The following OR2V1 variants were observed in gnomAD, a reference collection of about 807,000 sequenced individuals.
OR2V1 encodes the protein olfactory receptor family 2 subfamily V member 1, also known as olfactory receptor 2V1.
OR2V1 carries 18 observed loss-of-function variants against 15.0 expected under a neutral mutation model. The ratio of observed to expected loss-of-function variants is 1.20; its 90% CI spans 0.83 to 1.78. OR2V1 has a LOEUF of 1.78. OR2V1 is among the 40% of genes most tolerant of loss of function. The probability of loss-of-function intolerance (pLI) is 0.00; values close to 1 mark genes in which losing one functional copy is unlikely to be tolerated. For missense variants in OR2V1, 359 were observed against 392.9 expected (o/e 0.91, Z 0.73); for synonymous variants, 144 against 146.1 (o/e 0.99, Z 0.10).
At position 181,125,321 on chromosome 5, in the gene OR2V1, G is replaced by T; in HGVS notation, c.-17C>A. On this transcript the variant is annotated 5_prime_UTR_variant, in exon 4 of 4. Transcript: ENST00000641551. ...TCTTCCCATGGCTTAGTTGTTCACT[G>T]TCACCTGAGAACATAAGAGAAATTA... The T allele has an allele frequency of 6.2e-7, 1 of 1,601,476 alleles. No individual in the cohort carries two copies. The highest frequency in any genetic ancestry group is 1.7e-4 in the Middle Eastern group (1 of 6,032).
At chr5:181,126,354 G>T (rs938774126) in intron 3 of OR2V1, among the ~76,000 whole-genome samples, 1 of 151,708 alleles carries the variant, frequency 6.6e-6, no homozygotes, top group Non-Finnish European at 1.5e-5. Flanking sequence ...GTAGGTCAAT[G>T]ACATCCCAAA....
intron 3 of OR2V1, among the ~76,000 whole-genome samples, chr5:181,128,024 C>T (rs542996173): frequency 6.6e-6 from 1 of 152,156 alleles, no homozygotes; most frequent in East Asian, 1.9e-4. Context: ...TGCACTCAAC[C>T]TCTCCCCTCA....
At chr5:181,129,044 T>A (rs1762926167) in intron 3 of OR2V1, among the ~76,000 whole-genome samples, 1 of 152,104 alleles carries the variant, frequency 6.6e-6, no homozygotes, top group Non-Finnish European at 1.5e-5. Flanking sequence ...CTGGGCAACA[T>A]AAACGAGACC....
chr5:181,124,939 G>A lies in OR2V1; in HGVS notation c.366C>T (p.Asp122=). Residue 122 remains aspartate, a synonymous_variant, in exon 4 of 4, where the codon GAC becomes GAT. Transcript: ENST00000641551. ...GTGGGTGGCTAACGGCCACGTAGCG[G>A]TCATAAGCCATGAGTCCCAGCAAGA... ...EGLLLGLMAY[D]RYVAVSHPLH... 2 of 1,614,108 alleles carry A rather than the reference G, an allele frequency of 1.2e-6. No homozygotes were observed. The highest frequency in any genetic ancestry group is 1.7e-6 in the Non-Finnish European group (2 of 1,180,016).
chr5:181,125,432 T>G, intron 3 of OR2V1, 107 bp from the exon 4 acceptor site: 1 of 793,938 alleles, frequency 1.3e-6, no homozygotes, highest in Non-Finnish European at 2.0e-6. Context: ...GACACTCGTA[T>G]TCCTGTGACA....
intron 3 of OR2V1, among the ~76,000 whole-genome samples, chr5:181,128,804 G>A (rs1400789046): frequency 1.3e-5 from 2 of 152,186 alleles, no homozygotes; most frequent in African/African-American, 4.8e-5. Context: ...TCATGTGGGT[G>A]TCTGTTCTCT....
Position 181,124,955 on chromosome 5 carries a change from C to T in OR2V1, c.350G>A (p.Gly117Glu). Residue 117 changes from glycine (G) to glutamate (E), a missense_variant, in exon 4 of 4, where the codon GGA becomes GAA. Gly to Glu is a moderately conservative substitution (Grantham distance 98). Coordinates refer to ENST00000641551, the MANE Select transcript of OR2V1 (RefSeq NM_001258283.2). ...SLVGSEGLLL[G>E]LMAYDRYVAV... is the part of the protein sequence containing the mutation. ...CACGTAGCGGTCATAAGCCATGAGT[C>T]CCAGCAAGAGCCCCTCAGATCCCAC... is the stretch of plus-strand genomic sequence containing the variant. 1 of 1,614,050 alleles carries T rather than the reference C, an allele frequency of 6.2e-7. No homozygotes were observed. Among genetic ancestry groups the T allele is most frequent in the Non-Finnish European group, 8.5e-7 (1 of 1,180,016 alleles).
intron 3 of OR2V1, among the ~76,000 whole-genome samples, chr5:181,128,601 T>C (rs1389460172): frequency 6.6e-6 from 1 of 152,212 alleles, no homozygotes; most frequent in African/African-American, 2.4e-5. Flanking sequence ...CCAGGGGGCC[T>C]GGACACTTTC....
intron 2 of OR2V1, 83 bp downstream of exon 2, chr5:181,130,090 A>G: frequency 2.5e-6 from 1 of 399,022 alleles, no homozygotes; most frequent in Non-Finnish European, 4.4e-6. Context: ...CTGATGAACA[A>G]GATAAATGGG....
intron 1 of OR2V1, among the ~76,000 whole-genome samples, 187 bp downstream of exon 1, chr5:181,130,863 G>T (rs1349702484): frequency 6.6e-6 from 1 of 152,146 alleles, no homozygotes; most frequent in African/African-American, 2.4e-5. Context: ...GACCTCCAGG[G>T]CCCTCATGGG....
chr5:181,130,987 G>C (rs2113331963), intron 1 of OR2V1, 63 bp downstream of exon 1: 1 of 152,486 alleles, frequency 6.6e-6, no homozygotes, highest in Middle Eastern at 3.4e-3. Flanking sequence ...TGGGTGGGGG[G>C]CTCTGGACAC....
rs1363681608 is a variant in OR2V1 at position 181,123,921 on chromosome 5, AG to A, written c.*435del. On this transcript the variant is annotated 3_prime_UTR_variant, in exon 4 of 4. Transcript: ENST00000641551. ...TTAAATAATTTAGAAAGAATAGAAA[AG>A]GAACAGGAACCTAGAACTTAGTAAG... is the stretch of plus-strand genomic sequence containing the variant. 2 of 153,926 alleles carry A rather than the reference AG, an allele frequency of 1.3e-5. No individual in the cohort carries two copies. The highest frequency in any genetic ancestry group is 2.4e-5 in the African/African-American group (1 of 41,524). The allele number at this position is 153,926 out of a possible 1,614,324, so 9.5% of individuals were successfully genotyped here.
chr5:181,124,884 C>A lies in OR2V1; in HGVS notation c.421G>T (p.Val141Phe). Residue 141 changes from valine to phenylalanine, a missense_variant, in exon 4 of 4, where the codon GTC becomes TTC. Val to Phe is a conservative substitution (Grantham distance 50, BLOSUM62 -1). Transcript: ENST00000641551. ...GAGCTCCCAGTAATCTGGAGACAGA[C>A]CCTCTGATTCATGAGGATGGGATAG... ...LHYPILMNQR[V>F]CLQITGSSWA... 15 of 1,612,446 alleles carry A rather than the reference C, an allele frequency of 9.3e-6. No homozygotes were observed. The highest frequency in any genetic ancestry group is 1.3e-5 in the Non-Finnish European group (15 of 1,179,162).
chr5:181,129,213 C>G (rs1439202574), intron 3 of OR2V1, among the ~76,000 whole-genome samples: 1 of 151,882 alleles, frequency 6.6e-6, no homozygotes, highest in East Asian at 1.9e-4. Context: ...GCCTGGGTGA[C>G]AGAGCGAGCT....
At position 181,130,910 on chromosome 5, in the gene OR2V1, C is replaced by T. The variant is rs115012193; in HGVS notation, c.-121+140G>A. On this transcript the variant is annotated intron_variant, in intron 1 of 3. Coordinates refer to ENST00000641551, the MANE Select transcript of OR2V1 (RefSeq NM_001258283.2). ...ACAGCTGTCCCTTGGGCCCTCGCTG[C>T]ACCCCACACCTGTCCTTCACCTGCC... is the stretch of plus-strand genomic sequence containing the variant. The T allele has an allele frequency of 5.4e-3, 834 of 153,070 alleles. 3 individuals are homozygous for T. Among genetic ancestry groups the T allele is most frequent in the Non-Finnish European group, 9.4e-3 (644 of 68,640 alleles). 9.5% of individuals were successfully genotyped at this position (153,070 alleles called of 1,614,324 possible).
At position 181,125,253 on chromosome 5, in the gene OR2V1, T is replaced by C. The variant is rs766602965; in HGVS notation, c.52A>G (p.Ile18Val). The stretch of plus-strand genomic sequence containing the variant: ...AGGTCAGTCTGGCTGTGGGAAAAGA[T>C]GCCCAAGAGGAAGAAGCCATCTGTG... ...SYTDGFFLLG[I>V]FSHSQTDLVL... The change falls in exon 4 of 4, where the codon ATC becomes GTC. Residue 18 changes from isoleucine (I) to valine (V), a missense_variant. Coordinates refer to ENST00000641551, the MANE Select transcript of OR2V1 (RefSeq NM_001258283.2). 10 of 1,613,962 alleles carry C rather than the reference T, an allele frequency of 6.2e-6. No individual in the cohort carries two copies. The South Asian group carries it at 9.9e-5, about 16-fold the overall frequency.
At position 181,124,197 on chromosome 5, in the gene OR2V1, G is replaced by C. The variant is rs1355039199; in HGVS notation, c.*160C>G. On this transcript the variant is annotated 3_prime_UTR_variant, in exon 4 of 4. Coordinates refer to ENST00000641551, the MANE Select transcript of OR2V1 (RefSeq NM_001258283.2). ...ATTATCTTTTTTTCCTTTTTTTTTGGTACAGAAATGTTCATAATGGCTTTT... is the reference window on the plus strand; with the variant it reads ...ATTATCTTTTTTTCCTTTTTTTTTGCTACAGAAATGTTCATAATGGCTTTT... 3 of 577,476 alleles carry C rather than the reference G, an allele frequency of 5.2e-6. No individual in the cohort carries two copies. Among genetic ancestry groups the C allele is most frequent in the African/African-American group, 1.9e-5 (1 of 52,972 alleles). The allele number at this position is 577,476 out of a possible 1,614,324, so 35.8% of individuals were successfully genotyped here. A position where few individuals can be genotyped will look rare whatever the true frequency, so the allele number is the denominator to read the frequency against.
rs772572815 is a variant in OR2V1, at chr5:181,126,541, C to T, written c.-21-1216G>A. Among the ~76,000 whole-genome samples, 28 of 151,590 alleles carry T rather than the reference C, an allele frequency of 1.8e-4. 1 individual carries two copies. The highest frequency in any genetic ancestry group is 2.6e-4 in the Admixed American group (4 of 15,198). ...ACACACACACAGACACATGGAAATACACAGACACACACATATACACATGAA... is the reference window on the plus strand; with the variant it reads ...ACACACACACAGACACATGGAAATATACAGACACACACATATACACATGAA... On this transcript the variant is annotated intron_variant, in intron 3 of 3. Transcript: ENST00000641551.
intron 3 of OR2V1, among the ~76,000 whole-genome samples, chr5:181,126,697 T>G (rs539778824): frequency 6.7e-6 from 1 of 149,828 alleles, no homozygotes; most frequent in South Asian, 2.1e-4. Context: ...CAGAAACACA[T>G]AAGCACACAT....
Sources: allele counts gnomAD v4.1 joint callset (sites outside exome capture counted in the v4.1 genomes callset), GRCh38; gene constraint gnomAD v4.1.1; transcripts MANE v1.5; gene names NCBI Gene and HGNC (gene_info 2026-07-23, HGNC 2026-07-21).